The following TTPA variants were observed in gnomAD, a reference collection of about 807,000 sequenced individuals.
The protein encoded by TTPA is alpha-tocopherol transfer protein.
In TTPA, 23 loss-of-function variants were observed where a neutral mutation model predicts 25.9. That is an observed-to-expected ratio of 0.89 (90% CI 0.64 to 1.26). The LOEUF (loss-of-function observed/expected upper bound fraction) is 1.26. TTPA is among the 50% of genes most tolerant of loss of function. TTPA has a pLI of 0.00. For synonymous variants in TTPA, 148 were observed against 137.3 expected (o/e 1.08, Z -0.54); for missense variants, 337 against 353.1 (o/e 0.95, Z 0.37).
chr8:63,077,083 T>A (rs1444127179), intron 1 of TTPA, among the ~76,000 whole-genome samples: 1 of 152,126 alleles, frequency 6.6e-6, no homozygotes, highest in Non-Finnish European at 1.5e-5. Flanking sequence ...AAAAATAGTA[T>A]AAGTAATGTA....
intron 1 of TTPA, among the ~76,000 whole-genome samples, chr8:63,084,406 A>G (rs1585697709): frequency 6.6e-6 from 1 of 152,372 alleles, no homozygotes; most frequent in East Asian, 1.9e-4. Flanking sequence ...GGCAAATTGT[A>G]GAGTCCAAAA....
At chr8:63,061,886 G>A (rs906764845) in intron 4 of TTPA, among the ~76,000 whole-genome samples, 1 of 152,072 alleles carries the variant, frequency 6.6e-6, no homozygotes, top group Non-Finnish European at 1.5e-5. Flanking sequence ...TGGTACAGTC[G>A]ATGGATACTG....
intron 1 of TTPA, among the ~76,000 whole-genome samples, chr8:63,083,363 CATT>C (rs1805694333): frequency 1.3e-5 from 2 of 152,164 alleles, no homozygotes; most frequent in African/African-American, 4.8e-5. Flanking sequence ...TGGAAACCAT[CATT>C]CTCAGCAACT....
At position 63,066,053 on chromosome 8, in the gene TTPA, C is replaced by T. The variant is rs988427817; in HGVS notation, c.403G>A (p.Val135Ile). The T allele has an allele frequency of 3.7e-6, 6 of 1,613,362 alleles. No homozygotes were observed. In the Admixed American group the frequency reaches 1.0e-4, roughly 27 times the overall value. ...ATAAGCTCGGATGTGATTAGACTTA[C>T]TCGAAATACGTCATAAGCTGTAAAA... is the stretch of plus-strand genomic sequence containing the variant. ...KVFTAYDVFR[V>I]SLITSELIVQ... Residue 135 changes from valine (V) to isoleucine (I), a missense_variant, in exon 3 of 5, where the codon GTA (valine) becomes ATA (isoleucine). Coordinates refer to ENST00000260116, the MANE Select transcript of TTPA (RefSeq NM_000370.3).
chr8:63,080,771 G>A (rs1277093478), intron 1 of TTPA, among the ~76,000 whole-genome samples: 2 of 146,604 alleles, frequency 1.4e-5, no homozygotes, highest in Admixed American at 1.4e-4. Context: ...AAAGAGAGAA[G>A]AATCAAGTAA....
rs1296408960 is a variant in TTPA, at chr8:63,070,353, T to G, written c.358+2582A>C. Among the ~76,000 whole-genome samples, 3 of 152,348 alleles carry G rather than the reference T, an allele frequency of 2.0e-5. No homozygotes were observed. In the East Asian group the frequency reaches 5.8e-4, roughly 29 times the overall value. On this transcript the variant is annotated intron_variant, in intron 2 of 4. Coordinates refer to ENST00000260116, the MANE Select transcript of TTPA (RefSeq NM_000370.3). ...GAAAGGGCTGTGTGCATTTTCTCAT[T>G]GCTTTTACTGCACAGAGATGGTATC...
At chr8:63,072,445 T>A (rs1488333634) in intron 2 of TTPA, among the ~76,000 whole-genome samples, 1 of 152,142 alleles carries the variant, frequency 6.6e-6, no homozygotes, top group South Asian at 2.1e-4. Flanking sequence ...GTACTTTTAG[T>A]AGAGACGGGG....
chr8:63,060,329 T>C lies in TTPA; in HGVS notation c.*923A>G, dbSNP rs1805284322. ...CATCAACTGTGCCTGACGTATTTTC[T>C]AAATTATTTTTGTTAATCAATTACA... On this transcript the variant is annotated 3_prime_UTR_variant, in exon 5 of 5. Coordinates refer to ENST00000260116, the MANE Select transcript of TTPA (RefSeq NM_000370.3). 1 of 152,200 alleles carries C rather than the reference T, an allele frequency of 6.6e-6. No homozygotes were observed. Among genetic ancestry groups the C allele is most frequent in the Non-Finnish European group, 1.5e-5 (1 of 68,030 alleles). 9.4% of individuals were successfully genotyped at this position (152,200 alleles called of 1,614,324 possible). A position where few individuals can be genotyped will look rare whatever the true frequency, so the allele number is the denominator to read the frequency against.
intron 3 of TTPA, among the ~76,000 whole-genome samples, chr8:63,064,613 C>T (rs186904951): frequency 7.9e-5 from 12 of 152,132 alleles, no homozygotes; most frequent in East Asian, 7.7e-4. Flanking sequence ...GTTCTTTTAA[C>T]GAACCAATGA....
In TTPA at chr8:63,060,262, ATTCTTGATT is replaced by A. The variant is rs1805283502; in HGVS notation, c.*981_*989del. 6.6e-6 allele frequency: 1 copy of A among 152,210 alleles called. No individual in the cohort carries two copies. The highest frequency in any genetic ancestry group is 2.1e-4 in the South Asian group (1 of 4,834). 9.4% of individuals were successfully genotyped at this position (152,210 alleles called of 1,614,324 possible). On this transcript the variant is annotated 3_prime_UTR_variant, in exon 5 of 5. Transcript: ENST00000260116. The stretch of plus-strand genomic sequence containing the variant: ...GACCATAAGCAAAAGTTAAAATTAC[ATTCTTGATT>A]TGTTTAAAAATGCAAAGCAGATATT...
intron 2 of TTPA, among the ~76,000 whole-genome samples, chr8:63,072,592 A>AT (rs1805499728): frequency 6.6e-6 from 1 of 152,108 alleles, no homozygotes; most frequent in Non-Finnish European, 1.5e-5. Context: ...CTTTTCCATG[A>AT]TTTTTTAAAA....
chr8:63,066,381 T>C (rs1305922014), intron 2 of TTPA, among the ~76,000 whole-genome samples: 1 of 152,100 alleles, frequency 6.6e-6, no homozygotes, highest in East Asian at 1.9e-4. Context: ...CACATAAAGA[T>C]GGGAATGCCA....
intron 1 of TTPA, 81 bp downstream of exon 1, chr8:63,085,737 G>A (rs968707940): frequency 3.4e-5 from 50 of 1,489,618 alleles, no homozygotes; most frequent in Admixed American, 1.0e-4. Flanking sequence ...CTTCGGCAGG[G>A]GTCAGATATC....
chr8:63,064,037 T>G (rs968166116), intron 4 of TTPA, among the ~76,000 whole-genome samples, 169 bp downstream of exon 4: 4 of 152,168 alleles, frequency 2.6e-5, no homozygotes, highest in African/African-American at 9.6e-5. Flanking sequence ...AAATTAAAAG[T>G]AAATTTTAAT....
At chr8:63,069,756 G>A (rs1236308747) in intron 2 of TTPA, among the ~76,000 whole-genome samples, 1 of 149,746 alleles carries the variant, frequency 6.7e-6, no homozygotes, top group East Asian at 2.0e-4. Context: ...AAAAAAATCT[G>A]TTTCTTAGTT....
intron 2 of TTPA, among the ~76,000 whole-genome samples, chr8:63,072,265 T>TTTTGTTTG (rs150791305): frequency 1.3e-5 from 2 of 152,148 alleles, no homozygotes; most frequent in South Asian, 4.1e-4. Context: ...TCTGGTTGTT[T>TTTTGTTTG]TTTGTTTGTT....
At position 63,065,808 on chromosome 8, in the gene TTPA, A is replaced by G. The variant is rs567142492; in HGVS notation, c.552+96T>C. On this transcript the variant is annotated intron_variant, in intron 3 of 4. Transcript: ENST00000260116. The stretch of plus-strand genomic sequence containing the variant: ...TTTCCAAAATTGTATTTAAATTTCT[A>G]ACAAATGTACTTTTGCTTCTCTTTG... 6.8e-5 allele frequency: 90 copies of G among 1,318,738 alleles called. 1 individual carries two copies. Among genetic ancestry groups the G allele is most frequent in the South Asian group, 6.6e-4 (51 of 77,334 alleles). The allele number at this position is 1,318,738 out of a possible 1,614,324, so 81.7% of individuals were successfully genotyped here.
At chr8:63,059,049 T>TTTTTA (rs1805252655), downstream of TTPA, among the ~76,000 whole-genome samples, 1 of 115,150 alleles carries the variant, frequency 8.7e-6, no homozygotes, top group Admixed American at 9.4e-5. Context: ...TTTTTTTTTT[T>TTTTTA]GAGACGGAGT....
chr8:63,078,508 T>C (rs1015841874), intron 1 of TTPA, among the ~76,000 whole-genome samples: 1 of 152,152 alleles, frequency 6.6e-6, no homozygotes, highest in African/African-American at 2.4e-5. Context: ...CGGATGGAAC[T>C]GAAAAGCCTG....
Sources: gnomAD v4.1 joint callset for allele counts (sites outside exome capture counted in the v4.1 genomes callset) on GRCh38, gnomAD v4.1.1 for gene constraint, MANE v1.5 for transcripts, NCBI Gene and HGNC (gene_info 2026-07-23, HGNC 2026-07-21) for gene names.